The following B3GALNT2 variants were observed in gnomAD, a reference collection of about 807,000 sequenced individuals.
The protein encoded by B3GALNT2 is UDP-GalNAc:beta-1,3-N-acetylgalactosaminyltransferase 2.
B3GALNT2 carries 53 observed loss-of-function variants against 61.1 expected under a neutral mutation model. The observed-to-expected ratio is 0.87, with a 90% confidence interval of 0.70 to 1.09. The LOEUF (loss-of-function observed/expected upper bound fraction) is 1.09. Ranked by LOEUF, B3GALNT2 falls within the 50% of genes least tolerant of loss-of-function variation. B3GALNT2 has a pLI of 0.00. For synonymous variants in B3GALNT2, 223 were observed against 237.4 expected, an observed-to-expected ratio of 0.94 and a Z score of 0.56; for missense variants, 544 against 623.0, an observed-to-expected ratio of 0.87 and a Z score of 1.35.
rs1684708417 is a variant in B3GALNT2 at position 235,484,481 on chromosome 1, GGACAGACT to G, written c.388_395del (p.Ser130ArgfsTer9). ...CAGGCAGCCCCGATGAAGTGTCTTC[GGACAGACT>G]GAACGCTTCAATTTCCTGATTCAAA... is the stretch of plus-strand genomic sequence containing the variant. On this transcript the variant is annotated frameshift_variant, in exon 4 of 12. Transcript: ENST00000366600. LOFTEE classifies it high-confidence loss of function. The G allele has an allele frequency of 1.2e-6, 2 of 1,614,106 alleles. No homozygotes were observed. Among genetic ancestry groups the G allele is most frequent in the Non-Finnish European group, 1.7e-6 (2 of 1,180,022 alleles).
rs1233327305 is a variant in B3GALNT2, at chr1:235,450,228, G to A, written c.1481C>T (p.Pro494Leu). The A allele has an allele frequency of 6.2e-7, 1 of 1,613,956 alleles. No individual in the cohort carries two copies. The highest frequency in any genetic ancestry group is 8.5e-7 in the Non-Finnish European group (1 of 1,180,008). The change falls in exon 12 of 12, where the codon CCT becomes CTT. Residue 494 changes from proline to leucine, a missense_variant. By Grantham distance (98) the Pro-to-Leu change is moderately conservative. Coordinates refer to ENST00000366600, the MANE Select transcript of B3GALNT2 (RefSeq NM_152490.5). The stretch of plus-strand genomic sequence containing the variant: ...CTGTTATCTTGCTTGACATCGACAA[G>A]GATCACCGCACCGTTCCTTCAGTTT... ...LWKLKERCGD[P>L]CRCQAR
At chr1:235,490,261 C>T (rs886514934) in intron 2 of B3GALNT2, among the ~76,000 whole-genome samples, 3 of 152,032 alleles carry the variant, frequency 2.0e-5, no homozygotes, top group East Asian at 1.9e-4. Context: ...GACAGAGTCT[C>T]GCTCTGTCAC....
intron 6 of B3GALNT2, among the ~76,000 whole-genome samples, chr1:235,466,722 A>G (rs1209945499): frequency 1.3e-5 from 2 of 152,226 alleles, no homozygotes; most frequent in Non-Finnish European, 2.9e-5. Context: ...TCTACTTCTT[A>G]GAATGGAGAA....
rs1398467319 is a variant in B3GALNT2 at position 235,448,505 on chromosome 1, G to C, written c.*1701C>G. The C allele has an allele frequency of 1.3e-6, 2 of 1,507,870 alleles. No homozygotes were observed. The highest frequency in any genetic ancestry group is 1.4e-5 in the African/African-American group (1 of 72,736). 93.4% of individuals were successfully genotyped at this position (1,507,870 alleles called of 1,614,324 possible). On this transcript the variant is annotated 3_prime_UTR_variant, in exon 12 of 12. Transcript: ENST00000366600. ...AGTCCTCGTATTATGACATTAAACT[G>C]TCTCTAGATAGCAACAGTTTGATTC...
intron 11 of B3GALNT2, chr1:235,451,065 T>G (rs1392694228): frequency 6.6e-6 from 1 of 152,228 alleles, no homozygotes; most frequent in Admixed American, 6.5e-5. Flanking sequence ...GAGAAAGCAC[T>G]GAGTCAGCCT....
chr1:235,498,528 T>C (rs1685435764), intron 1 of B3GALNT2, among the ~76,000 whole-genome samples: 1 of 152,142 alleles, frequency 6.6e-6, no homozygotes, highest in Admixed American at 6.6e-5. Flanking sequence ...GGAAATGTTG[T>C]TAGTGATTTC....
In B3GALNT2 at chr1:235,503,922, G is replaced by C. The variant is rs1010872527; in HGVS notation, c.112+219C>G. 5.9e-5 allele frequency among the ~76,000 whole-genome samples: 9 copies of C among 152,244 alleles called. No individual in the cohort carries two copies. In the East Asian group the frequency reaches 1.3e-3, roughly 23 times the overall value. On this transcript the variant is annotated intron_variant, in intron 1 of 11. Coordinates refer to ENST00000366600, the MANE Select transcript of B3GALNT2 (RefSeq NM_152490.5). The stretch of plus-strand genomic sequence containing the variant: ...CGGCTCTGCGGGCGTTAAGGGAAAC[G>C]GGGAAGTGAGAAGAGGCGGGGACAC...
intron 4 of B3GALNT2, among the ~76,000 whole-genome samples, chr1:235,484,044 T>C (rs147627923): frequency 3.1e-4 from 47 of 152,306 alleles, no homozygotes; most frequent in African/African-American, 7.9e-4. Context: ...TTACCAACTT[T>C]TGAAATTCCC....
Position 235,504,343 on chromosome 1 carries a change from G to A in B3GALNT2, c.-91C>T, listed in dbSNP as rs1685742312. The A allele has an allele frequency of 5.1e-6, 7 of 1,365,446 alleles. No individual in the cohort carries two copies. Among genetic ancestry groups the A allele is most frequent in the African/African-American group, 4.6e-5 (3 of 65,206 alleles). 84.6% of individuals were successfully genotyped at this position (1,365,446 alleles called of 1,614,324 possible). ...CGGAGACTGAGGGGCGGCGGCTGACGAGCGACCACTCCGAGCACGCCCGCC... is the reference window on the plus strand; with the variant it reads ...CGGAGACTGAGGGGCGGCGGCTGACAAGCGACCACTCCGAGCACGCCCGCC... On this transcript the variant is annotated 5_prime_UTR_variant, in exon 1 of 12. Coordinates refer to ENST00000366600, the MANE Select transcript of B3GALNT2 (RefSeq NM_152490.5).
Position 235,454,201 on chromosome 1 carries a change from G to A in B3GALNT2, c.1266C>T (p.Ile422=), listed in dbSNP as rs762656574. 12 of 1,612,614 alleles carry A rather than the reference G, an allele frequency of 7.4e-6. No individual in the cohort carries two copies. The highest frequency in any genetic ancestry group is 4.0e-5 in the African/African-American group (3 of 74,902). The change falls in exon 10 of 12, where the codon ATC becomes ATT. Residue 422 remains isoleucine, a synonymous_variant. Coordinates refer to ENST00000366600, the MANE Select transcript of B3GALNT2 (RefSeq NM_152490.5). ...CCGAGTTGCTTGCCAGCCACTTGAC[G>A]ATGTCCTTGGAGATCACATATCCTG... ...CGSGYVISKD[I]VKWLASNSGR...
intron 5 of B3GALNT2, among the ~76,000 whole-genome samples, chr1:235,474,542 G>A (rs998229822): frequency 2.0e-5 from 3 of 152,196 alleles, no homozygotes; most frequent in Middle Eastern, 6.8e-3. Flanking sequence ...GATATAGGCT[G>A]GGCACGGTGG....
At chr1:235,502,507 T>C (rs1412544415) in intron 1 of B3GALNT2, among the ~76,000 whole-genome samples, 1 of 152,220 alleles carries the variant, frequency 6.6e-6, no homozygotes, top group African/African-American at 2.4e-5. Context: ...TAACTAGTAT[T>C]GATCTTCTTA....
rs977755459 is a variant in B3GALNT2 at position 235,460,516 on chromosome 1, C to A, written c.842-1730G>T. 2.0e-5 allele frequency among the ~76,000 whole-genome samples: 3 copies of A among 147,844 alleles called. No individual in the cohort carries two copies. In the East Asian group the frequency reaches 5.9e-4, roughly 29 times the overall value. On this transcript the variant is annotated intron_variant, in intron 7 of 11. Transcript: ENST00000366600. ...AAATGTAAATAAAAAATTGTTAATT[C>A]TGAGCACTGGGTACCTGGCTGTTTC...
In B3GALNT2 at chr1:235,450,276, G is replaced by T. The variant is rs373773440; in HGVS notation, c.1433C>A (p.Pro478Gln). ...TGMLSSPQYS[P>Q]WELTELWKLK... is the part of the protein sequence containing the mutation. ...TTTCCACAGTTCCGTCAGTTCCCAC[G>T]GAGAATACTGAGGAGAAGACAGCAT... is the stretch of plus-strand genomic sequence containing the variant. The change falls in exon 12 of 12, where the codon CCG becomes CAG. Residue 478 changes from proline to glutamine, a missense_variant. Transcript: ENST00000366600. 6.2e-7 allele frequency: 1 copy of T among 1,613,734 alleles called. No homozygotes were observed. The highest frequency in any genetic ancestry group is 8.5e-7 in the Non-Finnish European group (1 of 1,179,810).
rs770338558 is a variant in B3GALNT2, at chr1:235,484,462, G to A, written c.415C>T (p.Leu139=). 3.7e-6 allele frequency: 6 copies of A among 1,614,184 alleles called. No homozygotes were observed. In the South Asian group the frequency reaches 6.6e-5, roughly 18 times the overall value. The change falls in exon 4 of 12, where the codon CTG becomes TTG. Residue 139 remains leucine (L), a synonymous_variant. Coordinates refer to ENST00000366600, the MANE Select transcript of B3GALNT2 (RefSeq NM_152490.5). ...FSLSEDTSSG[L]PEDRVVSVSF... ...ACGCTGACAACTCGATCCTCAGGCA[G>A]CCCCGATGAAGTGTCTTCGGACAGA... is the stretch of plus-strand genomic sequence containing the variant.
rs773962539 is a variant in B3GALNT2, at chr1:235,494,716, C to T, written c.225G>A (p.Met75Ile). 5 of 1,613,146 alleles carry T rather than the reference C, an allele frequency of 3.1e-6. No individual in the cohort carries two copies. In the South Asian group the frequency reaches 4.4e-5, roughly 14 times the overall value. Residue 75 changes from methionine to isoleucine, a missense_variant, in exon 2 of 12, where the codon ATG (methionine) becomes ATA (isoleucine). Transcript: ENST00000366600. Reference protein sequence around the residue: ...ELRNVIRSTWMRHLLQHPTLS... With the variant: ...ELRNVIRSTWIRHLLQHPTLS... ...ATGTGGGATGCTGTAGCAAATGTCT[C>T]ATCCAGGTGCTTCTTATCACGTTTC... is the stretch of plus-strand genomic sequence containing the variant.
At chr1:235,442,584 A>AT (rs1431729408), downstream of B3GALNT2, among the ~76,000 whole-genome samples, 1 of 152,232 alleles carries the variant, frequency 6.6e-6, no homozygotes, top group Non-Finnish European at 1.5e-5. Flanking sequence ...TGTGAACCAA[A>AT]TTGTGATTTG....
At chr1:235,479,952 T>C in intron 5 of B3GALNT2, 102 bp downstream of exon 5, 1 of 1,512,354 alleles carries the variant, frequency 6.6e-7, no homozygotes, top group South Asian at 1.3e-5. Context: ...TCTGGAGTGC[T>C]GCCCTGGTAC....
chr1:235,484,457 A>G lies in B3GALNT2; in HGVS notation c.420T>C (p.Pro140=). ...AACTCACGCTGACAACTCGATCCTC[A>G]GGCAGCCCCGATGAAGTGTCTTCGG... ...SLSEDTSSGL[P]EDRVVSVSFR... Residue 140 remains proline, a synonymous_variant, in exon 4 of 12, where the codon CCT becomes CCC. Transcript: ENST00000366600. 1 of 1,614,212 alleles carries G rather than the reference A, an allele frequency of 6.2e-7. No individual in the cohort carries two copies. The highest frequency in any genetic ancestry group is 8.5e-7 in the Non-Finnish European group (1 of 1,180,024).
Sources: gnomAD v4.1 joint callset for allele counts (sites outside exome capture counted in the v4.1 genomes callset) on GRCh38, gnomAD v4.1.1 for gene constraint, MANE v1.5 for transcripts, NCBI Gene and HGNC (gene_info 2026-07-23, HGNC 2026-07-21) for gene names.